The following PCDHGB6 variants were observed in gnomAD, a reference collection of about 807,000 sequenced individuals.
PCDHGB6 encodes protocadherin gamma subfamily B, 6, also known as protocadherin gamma-B6.
A neutral mutation model predicts 59.1 loss-of-function variants in PCDHGB6; 51 were observed. The ratio of observed to expected loss-of-function variants is 0.86; its 90% CI spans 0.69 to 1.09. The LOEUF is 1.09. Ranked by LOEUF, PCDHGB6 falls within the 50% of genes least tolerant of loss-of-function variation. The pLI is 0.00. For missense variants in PCDHGB6, 1,148 were observed against 1,205.1 expected (o/e 0.95, Z 0.70); for synonymous variants, 466 against 495.1 (o/e 0.94, Z 0.78).
chr5:141,491,114 C>T lies in PCDHGB6; in HGVS notation c.2419-3693C>T, dbSNP rs1240431232. 1 of 1,614,104 alleles carries T rather than the reference C, an allele frequency of 6.2e-7. No homozygotes were observed. Among genetic ancestry groups the T allele is most frequent in the Admixed American group, 1.7e-5 (1 of 60,012 alleles). ...GGACTGTTCCTCGTGTCTACACACA[C>T]TGGTGAGGTGCGCACAGCCCGGGCC... On this transcript the variant is annotated intron_variant, in intron 1 of 3. Transcript: ENST00000520790. The surrounding 1 kb of genome is among the most constrained non-coding windows in gnomAD (Gnocchi z 6.9).
chr5:141,425,943 C>A (rs2096904576), intron 1 of PCDHGB6, among the ~76,000 whole-genome samples: 1 of 152,220 alleles, frequency 6.6e-6, no homozygotes, highest in Non-Finnish European at 1.5e-5. Flanking sequence ...TGTCTAGTTT[C>A]CTATACATTA....
At chr5:141,449,631 G>C in intron 1 of PCDHGB6, among the ~76,000 whole-genome samples, 1 of 148,476 alleles carries the variant, frequency 6.7e-6, no homozygotes, top group Middle Eastern at 3.6e-3. Flanking sequence ...TTAAAAAGAT[G>C]TATCTATATA....
intron 1 of PCDHGB6, among the ~76,000 whole-genome samples, chr5:141,434,029 A>C (rs970204484): frequency 2.6e-5 from 4 of 152,126 alleles, no homozygotes; most frequent in Admixed American, 2.6e-4. Context: ...TTCTGGAAGC[A>C]TGGTTTTCTA....
rs2096260633 is a variant in PCDHGB6 at position 141,418,459 on chromosome 5, G to C, written c.2418+7839G>C. 2.5e-6 allele frequency: 4 copies of C among 1,613,992 alleles called. No homozygotes were observed. In the East Asian group the frequency reaches 6.7e-5, roughly 27 times the overall value. ...CAGAATTAGTATTGCAGAAGACTCT[G>C]GACCGAGAAACGCAGAGCGCTCACC... On this transcript the variant is annotated intron_variant, in intron 1 of 3. Transcript: ENST00000520790.
At chr5:141,419,797 A>G (rs371201079) in intron 1 of PCDHGB6, 14 of 1,613,920 alleles carry the variant, frequency 8.7e-6, no homozygotes, top group Non-Finnish European at 1.1e-5. Flanking sequence ...TAGTCGCTGT[A>G]AGAGATGGAG....
chr5:141,451,165 A>G (rs2098709571), intron 1 of PCDHGB6, among the ~76,000 whole-genome samples: 1 of 152,116 alleles, frequency 6.6e-6, no homozygotes, highest in Admixed American at 6.6e-5. Context: ...TTTTGGTAGT[A>G]TATTATTTAG....
intron 1 of PCDHGB6, among the ~76,000 whole-genome samples, chr5:141,492,435 C>T (rs191116850): frequency 8.5e-5 from 13 of 152,348 alleles, no homozygotes; most frequent in Admixed American, 8.5e-4. Context: ...CTCAGGAGTA[C>T]TCGTAGCTGA....
chr5:141,488,054 A>G (rs1255295788), intron 1 of PCDHGB6, among the ~76,000 whole-genome samples: 1 of 152,206 alleles, frequency 6.6e-6, no homozygotes, highest in Admixed American at 6.5e-5. Flanking sequence ...TTGAGGGGAA[A>G]TAAAATCTTT....
In PCDHGB6 at chr5:141,409,772, C is replaced by T. The variant is rs2095314133; in HGVS notation, c.1570C>T (p.Gln524Ter). Reference protein sequence around the residue: ...VFAQRAFDHEQLRAFALTLQA... With the variant: ...VFAQRAFDHE Reference sequence around the variant, plus strand: ...CGCGCAGCGCGCCTTTGATCACGAGCAGCTGCGCGCCTTCGCGCTCACGCT... The same window carrying T: ...CGCGCAGCGCGCCTTTGATCACGAGTAGCTGCGCGCCTTCGCGCTCACGCT... Residue 524 changes from glutamine (Q) to a stop codon, truncating the protein, a stop_gained, in exon 1 of 4, where the codon CAG becomes TAG. Transcript: ENST00000520790. LOFTEE classifies it high-confidence loss of function. 1 of 1,612,736 alleles carries T rather than the reference C, an allele frequency of 6.2e-7. No individual in the cohort carries two copies. The highest frequency in any genetic ancestry group is 8.5e-7 in the Non-Finnish European group (1 of 1,179,740).
At chr5:141,462,698 G>A (rs2099045237) in intron 1 of PCDHGB6, among the ~76,000 whole-genome samples, 1 of 152,062 alleles carries the variant, frequency 6.6e-6, no homozygotes. Context: ...ATTTATAATG[G>A]AGGTTTTAAA....
intron 1 of PCDHGB6, chr5:141,418,432 T>C (rs954268296): frequency 1.9e-6 from 3 of 1,613,838 alleles, no homozygotes; most frequent in African/African-American, 1.3e-5. Context: ...GTGGCAAATA[T>C]CCAGAATTAG....
intron 1 of PCDHGB6, among the ~76,000 whole-genome samples, chr5:141,445,929 A>G (rs1388363296): frequency 6.6e-6 from 1 of 152,208 alleles, no homozygotes; most frequent in Non-Finnish European, 1.5e-5. Context: ...AAGATATTTG[A>G]ATTATTAAGC....
intron 1 of PCDHGB6, among the ~76,000 whole-genome samples, chr5:141,480,299 C>T: frequency 7.5e-6 from 1 of 132,466 alleles, no homozygotes; most frequent in Non-Finnish European, 1.6e-5. Flanking sequence ...CCTGTGGTAC[C>T]AGCTACTTGG....
intron 1 of PCDHGB6, chr5:141,433,096 C>G: frequency 3.1e-6 from 5 of 1,614,118 alleles, no homozygotes; most frequent in Non-Finnish European, 4.2e-6. Flanking sequence ...CAGACATGCT[C>G]GTCAGCCAGG....
intron 1 of PCDHGB6, among the ~76,000 whole-genome samples, chr5:141,474,280 C>A (rs1490512371): frequency 6.6e-6 from 1 of 152,136 alleles, no homozygotes; most frequent in African/African-American, 2.4e-5. Context: ...CTCTGAATAA[C>A]CCACTAGATC....
chr5:141,502,864 G>GGCTTTTTT (rs2099816401), intron 2 of PCDHGB6, among the ~76,000 whole-genome samples: 1 of 61,572 alleles, frequency 1.6e-5, no homozygotes, highest in Non-Finnish European at 3.0e-5. Flanking sequence ...CTGACTCTCT[G>GGCTTTTTT]TCTTTTTTTT....
intron 1 of PCDHGB6, among the ~76,000 whole-genome samples, chr5:141,456,083 G>A (rs2098842632): frequency 6.6e-6 from 1 of 151,960 alleles, no homozygotes; most frequent in South Asian, 2.1e-4. Context: ...ATTTTCAGTA[G>A]AGACGGGATT....
chr5:141,508,935 A>T (rs180987868), intron 3 of PCDHGB6, among the ~76,000 whole-genome samples: 2 of 152,118 alleles, frequency 1.3e-5, no homozygotes, highest in Non-Finnish European at 2.9e-5. Context: ...GGAGTTAATT[A>T]GGGAAAACAG....
chr5:141,483,442 AATCATCAGGACTTGTTG>A (rs2099581330), intron 1 of PCDHGB6, among the ~76,000 whole-genome samples: 1 of 152,196 alleles, frequency 6.6e-6, no homozygotes, highest in Non-Finnish European at 1.5e-5. Context: ...ACTACAATAA[AATCATCAGGACTTGTTG>A]ATTGACATGA....
Sources: gnomAD v4.1 joint callset for allele counts (sites outside exome capture counted in the v4.1 genomes callset) on GRCh38, gnomAD v4.1.1 for gene constraint, Gnocchi (gnomAD v3.1) non-coding constraint, MANE v1.5 for transcripts, NCBI Gene and HGNC (gene_info 2026-07-23, HGNC 2026-07-21) for gene names.